Variants in COL9A1 observed in about 807,000 individuals in gnomAD.
The protein encoded by COL9A1 is collagen alpha-1(IX) chain.
In COL9A1, 104 loss-of-function variants were observed where a neutral mutation model predicts 142.6. The ratio of observed to expected loss-of-function variants is 0.73; its 90% CI spans 0.62 to 0.86. The LOEUF is 0.86. Ranked by LOEUF, COL9A1 falls within the 40% of genes least tolerant of loss-of-function variation. COL9A1 has a pLI of 0.00. For missense variants in COL9A1, 1,210 were observed against 1,176.6 expected, an observed-to-expected ratio of 1.03 and a Z score of -0.42; for synonymous variants, 466 against 396.0, an observed-to-expected ratio of 1.18 and a Z score of -2.10.
chr6:70,231,560 C>T (rs556103547), intron 36 of COL9A1, among the ~76,000 whole-genome samples: 6 of 150,194 alleles, frequency 4.0e-5, no homozygotes, highest in East Asian at 2.0e-4. Context: ...GCTCTGAACA[C>T]GCCAAAAAAA....
In COL9A1 at chr6:70,300,376, G is replaced by C. The variant is rs1487489675; in HGVS notation, c.99C>G (p.Val33=). 1 of 1,612,070 alleles carries C rather than the reference G, an allele frequency of 6.2e-7. No homozygotes were observed. Among genetic ancestry groups the C allele is most frequent in the Non-Finnish European group, 8.5e-7 (1 of 1,178,546 alleles). The part of the protein sequence containing the change: ...AAVKRRPRFP[V]NSNSNGGNEL... The stretch of plus-strand genomic sequence containing the variant: ...CATTTCCACCATTAGAATTGGAATT[G>C]ACAGGGAATCCTGCAAAAGAGATAG... The change falls in exon 3 of 38, where the codon GTC becomes GTG. Residue 33 remains valine, a synonymous_variant. Transcript: ENST00000357250.
intron 37 of COL9A1, among the ~76,000 whole-genome samples, chr6:70,218,459 G>A (rs1414053479): frequency 6.6e-6 from 1 of 152,168 alleles, no homozygotes; most frequent in Non-Finnish European, 1.5e-5. Flanking sequence ...CAGTGCACTA[G>A]CAGCACTTTC....
chr6:70,267,951 G>A (rs1772136414), intron 17 of COL9A1, among the ~76,000 whole-genome samples: 1 of 152,172 alleles, frequency 6.6e-6, no homozygotes, highest in South Asian at 2.1e-4. Context: ...AGCTCCATTG[G>A]TCTGGAATGT....
chr6:70,274,868 G>A, intron 10 of COL9A1, 96 bp from the exon 11 acceptor site: 1 of 937,544 alleles, frequency 1.1e-6, no homozygotes, highest in Non-Finnish European at 1.7e-6. Context: ...TTGTCTACAG[G>A]ATGGTTACAT....
intron 21 of COL9A1, among the ~76,000 whole-genome samples, chr6:70,256,523 G>A (rs921771401): frequency 1.3e-5 from 2 of 151,842 alleles, no homozygotes; most frequent in Admixed American, 6.6e-5. Context: ...AGGAAAACAC[G>A]CAAACATAAA....
At position 70,227,178 on chromosome 6, in the gene COL9A1, C is replaced by G. The variant is rs1583208482; in HGVS notation, c.2504-1169G>C. On this transcript the variant is annotated intron_variant, in intron 36 of 37. Coordinates refer to ENST00000357250, the MANE Select transcript of COL9A1 (RefSeq NM_001851.6). ...ATTCCAGGATAAAATACAAATGGATCAAGTATTTTACTGTAAGTTAAGAAT... is the reference window on the plus strand; with the variant it reads ...ATTCCAGGATAAAATACAAATGGATGAAGTATTTTACTGTAAGTTAAGAAT... Among the ~76,000 whole-genome samples the G allele has an allele frequency of 2.0e-5, 3 of 151,902 alleles. No individual in the cohort carries two copies. The East Asian group carries it at 5.8e-4, about 29-fold the overall frequency.
chr6:70,255,207 C>A lies in COL9A1; in HGVS notation c.1558-4G>T. 1 of 1,614,082 alleles carries A rather than the reference C, an allele frequency of 6.2e-7. No individual in the cohort carries two copies. The highest frequency in any genetic ancestry group is 8.5e-7 in the Non-Finnish European group (1 of 1,179,952). ...TTCCTCTAGCACCTTCAGCCCCCTG[C>A]AGGGAGGAAGAGAAAGAATAGACAA... is the stretch of plus-strand genomic sequence containing the variant. On this transcript the variant is annotated splice_region_variant and splice_polypyrimidine_tract_variant and intron_variant, in intron 22 of 37. Transcript: ENST00000357250.
chr6:70,228,199 A>C (rs2127554508), intron 36 of COL9A1, among the ~76,000 whole-genome samples: 1 of 152,242 alleles, frequency 6.6e-6, no homozygotes. Context: ...TAGGGAACAT[A>C]CTTTGGATTG....
At chr6:70,301,085 C>A (rs567053372) in intron 2 of COL9A1, among the ~76,000 whole-genome samples, 1 of 152,234 alleles carries the variant, frequency 6.6e-6, no homozygotes, top group African/African-American at 2.4e-5. Context: ...AGAAAATAAT[C>A]ATGAGAAGGA....
chr6:70,285,458 C>T (rs1485377201), intron 5 of COL9A1, among the ~76,000 whole-genome samples: 5 of 152,234 alleles, frequency 3.3e-5, no homozygotes, highest in Non-Finnish European at 7.3e-5. Flanking sequence ...CTGATTTTCA[C>T]ACATTTCTCA....
At chr6:70,220,136 G>GTC (rs1768775331) in intron 37 of COL9A1, among the ~76,000 whole-genome samples, 1 of 146,666 alleles carries the variant, frequency 6.8e-6, no homozygotes, top group African/African-American at 2.7e-5. Flanking sequence ...AGCTTTTGAT[G>GTC]ATGTCATCAT....
At position 70,269,546 on chromosome 6, in the gene COL9A1, C is replaced by T. The variant is rs543786310; in HGVS notation, c.1230+87G>A. On this transcript the variant is annotated intron_variant, in intron 16 of 37. Coordinates refer to ENST00000357250, the MANE Select transcript of COL9A1 (RefSeq NM_001851.6). ...GGAAAACACAGACACATAGAATATT[C>T]CAGGGAAATCTTTTAAAGAAAACTC... is the stretch of plus-strand genomic sequence containing the variant. 9.6e-5 allele frequency: 89 copies of T among 929,512 alleles called. No individual in the cohort carries two copies. In the South Asian group the frequency reaches 1.2e-3, roughly 12 times the overall value. The allele number at this position is 929,512 out of a possible 1,614,324, so 57.6% of individuals were successfully genotyped here.
chr6:70,259,145 T>C lies in COL9A1; in HGVS notation c.1449+1512A>G, dbSNP rs559671357. Among the ~76,000 whole-genome samples, 35 of 152,164 alleles carry C rather than the reference T, an allele frequency of 2.3e-4. 1 individual carries two copies. Among genetic ancestry groups the C allele is most frequent in the South Asian group, 8.3e-4 (4 of 4,822 alleles). On this transcript the variant is annotated intron_variant, in intron 20 of 37. Coordinates refer to ENST00000357250, the MANE Select transcript of COL9A1 (RefSeq NM_001851.6). ...TGACAAACAGCCTGGAAAAAAAACATTAAATTGACAAAAAAATGATAAATA... is the reference window on the plus strand; with the variant it reads ...TGACAAACAGCCTGGAAAAAAAACACTAAATTGACAAAAAAATGATAAATA...
At position 70,300,123 on chromosome 6, in the gene COL9A1, A is replaced by G. The variant is rs1764020540; in HGVS notation, c.219T>C (p.Ala73=). ...FQVDKAASRR[A]IQRVVGSATL... ...TAGCTGATCCCACTACTCTCTGGAT[A>G]GCTCTTCTAGATGCTGCTTTATCTA... The change falls in exon 4 of 38, where the codon GCT becomes GCC. Residue 73 remains alanine, a synonymous_variant. Coordinates refer to ENST00000357250, the MANE Select transcript of COL9A1 (RefSeq NM_001851.6). The G allele has an allele frequency of 2.5e-6, 4 of 1,613,828 alleles. No homozygotes were observed.
At chr6:70,282,833 C>G (rs557997661) in intron 7 of COL9A1, 65 bp downstream of exon 7, 34 of 1,612,462 alleles carry the variant, frequency 2.1e-5, no homozygotes, top group Admixed American at 1.3e-4. Flanking sequence ...CTCCCTCGAC[C>G]GCTGCGCCCC....
At chr6:70,224,862 A>G (rs1769126002) in intron 37 of COL9A1, among the ~76,000 whole-genome samples, 1 of 152,198 alleles carries the variant, frequency 6.6e-6, no homozygotes, top group African/African-American at 2.4e-5. Flanking sequence ...AGTTTTAGAA[A>G]GGCAGTGTTT....
intron 5 of COL9A1, among the ~76,000 whole-genome samples, chr6:70,287,881 A>C (rs2127601895): frequency 6.6e-6 from 1 of 152,252 alleles, no homozygotes; most frequent in Middle Eastern, 3.4e-3. Context: ...CTTTTGACAA[A>C]TGTTCCTCAT....
At chr6:70,290,831 G>A (rs1773631579) in intron 5 of COL9A1, among the ~76,000 whole-genome samples, 1 of 152,130 alleles carries the variant, frequency 6.6e-6, no homozygotes, top group Non-Finnish European at 1.5e-5. Flanking sequence ...TAGAATGAAT[G>A]CAATTGCATG....
At chr6:70,287,606 A>T (rs1348890702) in intron 5 of COL9A1, among the ~76,000 whole-genome samples, 1 of 150,688 alleles carries the variant, frequency 6.6e-6, no homozygotes, top group Non-Finnish European at 1.5e-5. Flanking sequence ...TTCAAAAAAG[A>T]TGTCTACAAC....
Sources: allele counts gnomAD v4.1 joint callset (sites outside exome capture counted in the v4.1 genomes callset), GRCh38; gene constraint gnomAD v4.1.1; transcripts MANE v1.5; gene names NCBI Gene and HGNC (gene_info 2026-07-23, HGNC 2026-07-21).